IQCE: variants seen among roughly 807,000 people sequenced by gnomAD.
IQCE encodes IQ motif containing E, also known as IQ domain-containing protein E.
In IQCE, 115 loss-of-function variants were observed where a neutral mutation model predicts 96.0. The ratio of observed to expected loss-of-function variants is 1.20; its 90% confidence interval spans 1.03 to 1.40. The LOEUF is 1.40. IQCE is among the 40% of genes most tolerant of loss of function. The pLI is 0.00. For synonymous variants in IQCE, 412 were observed against 371.2 expected, an observed-to-expected ratio of 1.11 and a Z score of -1.26; for missense variants, 1,041 against 909.1, an observed-to-expected ratio of 1.15 and a Z score of -1.87.
intron 3 of IQCE, among the ~76,000 whole-genome samples, chr7:2,569,764 A>G (rs952469391): frequency 2.0e-5 from 3 of 152,188 alleles, no homozygotes; most frequent in Non-Finnish European, 4.4e-5. Context: ...ATATATTTCA[A>G]AGGTTCAGTC....
intron 8 of IQCE, among the ~76,000 whole-genome samples, chr7:2,578,943 C>T (rs536237740): frequency 2.6e-5 from 4 of 151,958 alleles, no homozygotes; most frequent in African/African-American, 9.7e-5. Flanking sequence ...CCTGTAGTCC[C>T]GGCTACTCAG....
In IQCE at chr7:2,568,953, G is replaced by C. The variant is rs1236711529; in HGVS notation, c.85-1G>C. 1 of 1,612,808 alleles carries C rather than the reference G, an allele frequency of 6.2e-7. No individual in the cohort carries two copies. Among genetic ancestry groups the C allele is most frequent in the South Asian group, 1.1e-5 (1 of 91,088 alleles). On this transcript the variant is annotated splice_acceptor_variant, in intron 2 of 21. Coordinates refer to ENST00000402050, the MANE Select transcript of IQCE (RefSeq NM_152558.5). LOFTEE classifies it high-confidence loss of function. ...CTTATGCCATTTCTTCTTTCTTTCA[G>C]AAAGCAAAAAGGAAAGCTTTCCACA...
At chr7:2,567,075 C>G in intron 1 of IQCE, 41 bp from the exon 2 acceptor site, 1 of 1,571,584 alleles carries the variant, frequency 6.4e-7, no homozygotes, top group South Asian at 1.1e-5. Context: ...GGAAGCCCAG[C>G]AGGTGCCGTC....
In IQCE at chr7:2,610,143, C is replaced by T. The variant is rs1061566; in HGVS notation, c.2069C>T (p.Thr690Met). 228,270 of 1,604,636 alleles carry T rather than the reference C, an allele frequency of 0.14. 18,163 individuals are homozygous for T. The highest frequency in any genetic ancestry group is 0.16 in the Non-Finnish European group (183,688 of 1,171,252). Residue 690 changes from threonine to methionine, a missense_variant, in exon 22 of 22, where the codon ACG (threonine) becomes ATG (methionine). Transcript: ENST00000402050. ...ATTGTCATTGCACCGTCTCTGCCCA[C>T]GAAGAACTTTCCAGTTTAGGTCCCC... ...DDIVIAPSLP[T>M]KNFPV is the part of the protein sequence containing the mutation.
At position 2,567,860 on chromosome 7, in the gene IQCE, T is replaced by G. The variant is rs570393203; in HGVS notation, c.84+697T>G. ...CCTCCAGGGACCTCTGTTCGCAAAG[T>G]TAAGGATTTTCCCTCCATGTCACAG... On this transcript the variant is annotated intron_variant, in intron 2 of 21. Coordinates refer to ENST00000402050, the MANE Select transcript of IQCE (RefSeq NM_152558.5). Among the ~76,000 whole-genome samples the G allele has an allele frequency of 2.5e-3, 388 of 152,292 alleles. 2 individuals are homozygous for G. The highest frequency in any genetic ancestry group is 8.9e-3 in the African/African-American group (368 of 41,556).
At position 2,611,653 on chromosome 7, in the gene IQCE, G is replaced by C. The variant is rs1220610527; in HGVS notation, c.*1491G>C. ...GGAGGACACAGGTGTCCCCAGCCCA[G>C]CCTGTTCTCTCCCAGTCACTCAGGG... is the stretch of plus-strand genomic sequence containing the variant. On this transcript the variant is annotated 3_prime_UTR_variant, in exon 22 of 22. Transcript: ENST00000402050. 6.7e-6 allele frequency: 1 copy of C among 150,072 alleles called. No homozygotes were observed. Among genetic ancestry groups the C allele is most frequent in the African/African-American group, 2.4e-5 (1 of 41,082 alleles). 9.3% of individuals were successfully genotyped at this position (150,072 alleles called of 1,614,324 possible). A position where few individuals can be genotyped will look rare whatever the true frequency, so the allele number is the denominator to read the frequency against.
chr7:2,597,618 A>G (rs1383960962), intron 16 of IQCE, among the ~76,000 whole-genome samples: 1 of 152,196 alleles, frequency 6.6e-6, no homozygotes, highest in Non-Finnish European at 1.5e-5. Context: ...TGTATTGGGT[A>G]GTGTCCTATG....
At chr7:2,570,561 T>G (rs1372254121) in intron 3 of IQCE, among the ~76,000 whole-genome samples, 1 of 152,062 alleles carries the variant, frequency 6.6e-6, no homozygotes, top group Non-Finnish European at 1.5e-5. Flanking sequence ...ACATAAATTG[T>G]GAAACCGCGG....
intron 1 of IQCE, among the ~76,000 whole-genome samples, chr7:2,564,861 G>A (rs765584404): frequency 2.6e-5 from 4 of 152,200 alleles, no homozygotes; most frequent in South Asian, 2.1e-4. Flanking sequence ...CTTCTGCCTC[G>A]CTCTCCTGTC....
At chr7:2,569,115 T>TGGGAATGGGGCCAAC in intron 3 of IQCE, 116 bp downstream of exon 3, 1 of 963,094 alleles carries the variant, frequency 1.0e-6, no homozygotes, top group Non-Finnish European at 1.6e-6. Context: ...CCTCAGCCAG[T>TGGGAATGGGGCCAAC]TGGCCCCATT....
intron 17 of IQCE, among the ~76,000 whole-genome samples, chr7:2,599,257 C>T (rs1006643365): frequency 1.3e-5 from 2 of 152,176 alleles, no homozygotes; most frequent in South Asian, 4.1e-4. Context: ...AGTGCAATGG[C>T]ATGATCTTGG....
chr7:2,570,196 T>C (rs1458904708), intron 3 of IQCE, among the ~76,000 whole-genome samples: 1 of 152,120 alleles, frequency 6.6e-6, no homozygotes, highest in Non-Finnish European at 1.5e-5. Flanking sequence ...CAGGCGATGA[T>C]GTTTTCCTGC....
At chr7:2,560,281 A>C (rs1045136359) in intron 1 of IQCE, among the ~76,000 whole-genome samples, 6 of 152,238 alleles carry the variant, frequency 3.9e-5, no homozygotes, top group African/African-American at 1.4e-4. Flanking sequence ...GACGCGGGCA[A>C]GGAGACTGAG....
intron 10 of IQCE, 44 bp from the exon 11 acceptor site, chr7:2,584,192 A>G (rs766783002): frequency 3.2e-6 from 5 of 1,562,258 alleles, no homozygotes; most frequent in South Asian, 1.1e-5. Context: ...GGTCTTCTCC[A>G]TGCTAGCCTT....
chr7:2,598,426 C>T, intron 16 of IQCE, 39 bp from the exon 17 acceptor site: 1 of 1,530,060 alleles, frequency 6.5e-7, no homozygotes. Flanking sequence ...TGTCCCTGCC[C>T]TGGCTTCATT....
At chr7:2,598,730 G>T in intron 17 of IQCE, 98 bp downstream of exon 17, 4 of 1,106,188 alleles carry the variant, frequency 3.6e-6, no homozygotes, top group Non-Finnish European at 4.8e-6. Flanking sequence ...TGGAGGGCCA[G>T]CCAGGCCCCA....
intron 2 of IQCE, among the ~76,000 whole-genome samples, chr7:2,567,978 AAT>A (rs545915363): frequency 8.7e-4 from 132 of 152,292 alleles, no homozygotes; most frequent in African/African-American, 3.1e-3. Context: ...CTTGGGGCTC[AAT>A]GTTTCTGCTG....
In IQCE at chr7:2,611,133, CTGGGCT is replaced by C. The variant is rs1562691454; in HGVS notation, c.*972_*977del. The C allele has an allele frequency of 2.9e-4, 42 of 147,124 alleles. 1 individual carries two copies. Among genetic ancestry groups the C allele is most frequent in the African/African-American group, 9.3e-4 (37 of 39,990 alleles). 9.1% of individuals were successfully genotyped at this position (147,124 alleles called of 1,614,324 possible). On this transcript the variant is annotated 3_prime_UTR_variant, in exon 22 of 22. Coordinates refer to ENST00000402050, the MANE Select transcript of IQCE (RefSeq NM_152558.5). ...CATGGCTGGGCTGGGCTGGGCTGGGCTGGGCTGGGCCGGGCGTGCGGAGCCTGTGGA... is the reference window on the plus strand; with the variant it reads ...CATGGCTGGGCTGGGCTGGGCTGGGCGGGCCGGGCGTGCGGAGCCTGTGGA...
intron 1 of IQCE, chr7:2,559,522 T>C (rs2128422259): frequency 4.9e-6 from 1 of 202,956 alleles, no homozygotes; most frequent in South Asian, 1.9e-4. Context: ...GCTCACGGTG[T>C]AAGTGCCTCC....
Sources: allele counts gnomAD v4.1 joint callset (sites outside exome capture counted in the v4.1 genomes callset), GRCh38; gene constraint gnomAD v4.1.1; transcripts MANE v1.5; gene names NCBI Gene and HGNC (gene_info 2026-07-23, HGNC 2026-07-21).